The following GPR158 variants were observed in gnomAD, a reference collection of about 807,000 sequenced individuals.
The protein encoded by GPR158 is G protein-coupled receptor 158, also known as metabotropic glycine receptor.
A neutral mutation model predicts 78.2 loss-of-function variants in GPR158; 30 were observed. The observed-to-expected ratio is 0.38, with a 90% CI of 0.29 to 0.52. GPR158 has a LOEUF of 0.52. Ranked by LOEUF, GPR158 falls within the 20% of genes least tolerant of loss-of-function variation. GPR158 has a pLI of 0.83. For synonymous variants in GPR158, 581 were observed against 591.1 expected (o/e 0.98, Z 0.25); for missense variants, 1,463 against 1,523.5 (o/e 0.96, Z 0.66).
At chr10:25,335,292 A>G (rs1855181297) in intron 2 of GPR158, among the ~76,000 whole-genome samples, 1 of 152,132 alleles carries the variant, frequency 6.6e-6, no homozygotes, top group African/African-American at 2.4e-5. Context: ...CATTCTTGCT[A>G]TTAATATTTC....
intron 4 of GPR158, among the ~76,000 whole-genome samples, chr10:25,425,841 A>G (rs1834813214): frequency 6.6e-6 from 1 of 151,984 alleles, no homozygotes; most frequent in African/African-American, 2.4e-5. Flanking sequence ...TTATTGTGTT[A>G]TATTTGTATG....
At chr10:25,197,843 A>G (rs1190081415) in intron 1 of GPR158, among the ~76,000 whole-genome samples, 1 of 152,198 alleles carries the variant, frequency 6.6e-6, no homozygotes, top group Non-Finnish European at 1.5e-5. Flanking sequence ...AAACAAGTCA[A>G]TAATAGAAGT....
intron 2 of GPR158, among the ~76,000 whole-genome samples, chr10:25,282,546 A>C (rs1388294716): frequency 6.6e-6 from 1 of 152,148 alleles, no homozygotes; most frequent in Non-Finnish European, 1.5e-5. Context: ...AGAAAGAGAC[A>C]CACTGTTTTC....
At chr10:25,414,909 T>C (rs996420551) in intron 4 of GPR158, among the ~76,000 whole-genome samples, 17 of 152,140 alleles carry the variant, frequency 1.1e-4, no homozygotes, top group African/African-American at 4.1e-4. Context: ...TTGTTTAGAT[T>C]TGAATACTGT....
intron 2 of GPR158, among the ~76,000 whole-genome samples, chr10:25,295,487 C>T (rs1854498394): frequency 6.6e-6 from 1 of 151,894 alleles, no homozygotes; most frequent in African/African-American, 2.4e-5. Context: ...GATCTCGGCT[C>T]ACTGCAAGCT....
At chr10:25,474,344 A>G (rs1281775106) in intron 5 of GPR158, among the ~76,000 whole-genome samples, 1 of 152,150 alleles carries the variant, frequency 6.6e-6, no homozygotes, top group East Asian at 1.9e-4. Context: ...ATAGGAAACT[A>G]AGATACCCCT....
chr10:25,450,510 T>A (rs185272540), intron 4 of GPR158, among the ~76,000 whole-genome samples: 268 of 152,256 alleles, frequency 1.8e-3, no homozygotes, highest in African/African-American at 6.2e-3. Context: ...CTTCCCTTTC[T>A]TTTTACCTTC....
intron 4 of GPR158, among the ~76,000 whole-genome samples, chr10:25,418,318 C>T (rs1385640304): frequency 6.6e-6 from 1 of 152,104 alleles, no homozygotes; most frequent in African/African-American, 2.4e-5. Context: ...ATTGGTTTAA[C>T]ATTTTATCAT....
At chr10:25,280,707 TTATGTATG>T (rs34530811) in intron 2 of GPR158, among the ~76,000 whole-genome samples, 1,757 of 151,484 alleles carry the variant, frequency 0.012, 11 homozygotes, top group African/African-American at 0.013. Flanking sequence ...TCAACACATT[TTATGTATG>T]TATGTATGTA....
intron 2 of GPR158, among the ~76,000 whole-genome samples, chr10:25,317,726 G>GTTTTT (rs796945422): frequency 1.4e-5 from 2 of 140,140 alleles, no homozygotes; most frequent in African/African-American, 5.9e-5. Context: ...GTTTTTTTTT[G>GTTTTT]TTTTGTTTTG....
chr10:25,547,152 G>A (rs1282103071), intron 5 of GPR158, among the ~76,000 whole-genome samples: 1 of 152,048 alleles, frequency 6.6e-6, no homozygotes, highest in African/African-American at 2.4e-5. Flanking sequence ...AGATGAACTT[G>A]GTTTTTCTTT....
At chr10:25,312,217 A>G (rs1164901606) in intron 2 of GPR158, among the ~76,000 whole-genome samples, 1 of 152,078 alleles carries the variant, frequency 6.6e-6, no homozygotes, top group Non-Finnish European at 1.5e-5. Context: ...AAAAGCCATT[A>G]GTATATATTA....
At chr10:25,533,436 G>A (rs1836451684) in intron 5 of GPR158, among the ~76,000 whole-genome samples, 1 of 151,998 alleles carries the variant, frequency 6.6e-6, no homozygotes, top group African/African-American at 2.4e-5. Context: ...GTTCAATCAG[G>A]GTGGAAGACC....
At chr10:25,503,561 C>T (rs1232371289) in intron 5 of GPR158, among the ~76,000 whole-genome samples, 1 of 152,170 alleles carries the variant, frequency 6.6e-6, no homozygotes, top group East Asian at 1.9e-4. Flanking sequence ...AATTCAAAAT[C>T]TCTACTGTGT....
At chr10:25,330,838 A>G (rs956185870) in intron 2 of GPR158, among the ~76,000 whole-genome samples, 1 of 152,192 alleles carries the variant, frequency 6.6e-6, no homozygotes, top group Non-Finnish European at 1.5e-5. Flanking sequence ...TAGTAGAAGG[A>G]CTTCACAACT....
At chr10:25,253,728 T>G (rs976291298) in intron 2 of GPR158, among the ~76,000 whole-genome samples, 1 of 152,196 alleles carries the variant, frequency 6.6e-6, no homozygotes, top group African/African-American at 2.4e-5. Context: ...GTTTCTGAGC[T>G]GTGTTGCAAT....
chr10:25,291,898 C>T (rs1854442471), intron 2 of GPR158, among the ~76,000 whole-genome samples: 1 of 151,902 alleles, frequency 6.6e-6, no homozygotes. Context: ...ATTATCGATC[C>T]TTACAAATAT....
intron 4 of GPR158, among the ~76,000 whole-genome samples, chr10:25,432,846 T>C (rs1834931095): frequency 6.6e-6 from 1 of 152,200 alleles, no homozygotes; most frequent in Admixed American, 6.5e-5. Context: ...GAGTGTCTGA[T>C]AATGAACAGG....
At chr10:25,460,558 T>C (rs7077026) in intron 4 of GPR158, among the ~76,000 whole-genome samples, 8,541 of 152,292 alleles carry the variant, frequency 0.056, 309 homozygotes, top group Admixed American at 0.12. Context: ...TTTATTAAAG[T>C]ATATTACATA....
Sources: gnomAD v4.1 joint callset for allele counts (sites outside exome capture counted in the v4.1 genomes callset) on GRCh38, gnomAD v4.1.1 for gene constraint, MANE v1.5 for transcripts, NCBI Gene and HGNC (gene_info 2026-07-23, HGNC 2026-07-21) for gene names.